The following ACTR3C variants were observed in gnomAD, a reference collection of about 807,000 sequenced individuals.
ACTR3C encodes actin related protein 3C, also known as actin-related protein 3C.
In ACTR3C, 18 loss-of-function variants were observed where a neutral mutation model predicts 26.3. That is an observed-to-expected ratio of 0.68 (90% CI 0.47 to 1.01). The LOEUF is 1.01. Among genes scored for constraint, ACTR3C ranks in the 50% least tolerant of loss-of-function variants. ACTR3C has a pLI of 0.00. For missense variants in ACTR3C, 184 were observed against 250.7 expected (o/e 0.73, Z 1.80); for synonymous variants, 55 against 94.5 (o/e 0.58, Z 2.42).
chr7:149,991,101 G>A, the ACTR3C span, among the ~76,000 whole-genome samples: 1 of 152,186 alleles, frequency 6.6e-6, no homozygotes, highest in Non-Finnish European at 1.5e-5. Context: ...ACGGCAGAAG[G>A]CAAAGGAGAA....
the ACTR3C span, among the ~76,000 whole-genome samples, chr7:149,910,014 C>T: frequency 6.8e-6 from 1 of 147,368 alleles, no homozygotes; most frequent in Non-Finnish European, 1.5e-5. Context: ...TCTATCTTTA[C>T]AAAAACCTTG....
At chr7:149,922,692 T>G in the ACTR3C span, among the ~76,000 whole-genome samples, 3 of 150,450 alleles carry the variant, frequency 2.0e-5, no homozygotes, top group Admixed American at 2.0e-4. Flanking sequence ...TTTTAGGAGG[T>G]TCCAGGAAGT....
chr7:150,039,543 C>A, the ACTR3C span, among the ~76,000 whole-genome samples: 5,624 of 25,816 alleles, frequency 0.22, 166 homozygotes, highest in East Asian at 0.41. Flanking sequence ...TGGGGGTCCC[C>A]AGAGCCAGGG....
chr7:150,055,302 G>A, the ACTR3C span, among the ~76,000 whole-genome samples: 1 of 152,222 alleles, frequency 6.6e-6, no homozygotes, highest in African/African-American at 2.4e-5. Flanking sequence ...ACAAGTCTGA[G>A]AACCACTGCA....
At chr7:149,900,839 C>G in the ACTR3C span, among the ~76,000 whole-genome samples, 3 of 151,984 alleles carry the variant, frequency 2.0e-5, no homozygotes, top group Non-Finnish European at 2.9e-5. Flanking sequence ...TTGAGACCAG[C>G]CTGGCCAACA....
chr7:149,949,571 G>C, the ACTR3C span, among the ~76,000 whole-genome samples: 1 of 147,762 alleles, frequency 6.8e-6, no homozygotes, highest in Non-Finnish European at 1.5e-5. Context: ...ACAAAGAAAA[G>C]ATGGACGAGA....
At chr7:149,959,958 A>G in the ACTR3C span, among the ~76,000 whole-genome samples, 2 of 151,940 alleles carry the variant, frequency 1.3e-5, no homozygotes, top group African/African-American at 4.8e-5. Flanking sequence ...ATTGGACTAT[A>G]CTATAATTTT....
intron 6 of ACTR3C, among the ~76,000 whole-genome samples, chr7:150,267,648 T>C (rs1258454173): frequency 6.6e-6 from 1 of 152,222 alleles, no homozygotes; most frequent in African/African-American, 2.4e-5. Flanking sequence ...GTGCCTAATT[T>C]ATAAACTTTA....
the ACTR3C span, among the ~76,000 whole-genome samples, chr7:149,886,705 T>C: frequency 0.59 from 90,177 of 152,058 alleles, 27,248 homozygotes; most frequent in African/African-American, 0.68. Context: ...CCTGTAATCC[T>C]AGCATTTTGG....
At chr7:150,183,118 G>T in the ACTR3C span, among the ~76,000 whole-genome samples, 1 of 150,802 alleles carries the variant, frequency 6.6e-6, no homozygotes, top group Non-Finnish European at 1.5e-5. Flanking sequence ...TAAATGCCAC[G>T]TTAGATGTAC....
chr7:150,198,120 G>A, the ACTR3C span, among the ~76,000 whole-genome samples: 1 of 151,410 alleles, frequency 6.6e-6, no homozygotes. Flanking sequence ...TGCCGGGATT[G>A]CAGACGGAGT....
At chr7:149,950,054 G>A in the ACTR3C span, among the ~76,000 whole-genome samples, 2 of 148,858 alleles carry the variant, frequency 1.3e-5, no homozygotes, top group African/African-American at 2.6e-5. Context: ...GGCCCTGCCT[G>A]GCAGCCGCGT....
chr7:150,137,495 C>G, the ACTR3C span, among the ~76,000 whole-genome samples: 5 of 152,218 alleles, frequency 3.3e-5, no homozygotes, highest in African/African-American at 1.2e-4. Context: ...TCTGTTCTTT[C>G]TTTTCACCTC....
At chr7:150,055,491 GTT>G in the ACTR3C span, among the ~76,000 whole-genome samples, 123 of 141,804 alleles carry the variant, frequency 8.7e-4, no homozygotes, top group East Asian at 4.4e-3. Context: ...GAGGGAGGGA[GTT>G]TTTTTTTTTT....
intron 6 of ACTR3C, among the ~76,000 whole-genome samples, chr7:150,275,160 T>C (rs1315442572): frequency 6.6e-6 from 1 of 152,190 alleles, no homozygotes; most frequent in African/African-American, 2.4e-5. Flanking sequence ...CATGTCCTGG[T>C]AATGCAATAA....
At chr7:150,125,818 C>T in the ACTR3C span, among the ~76,000 whole-genome samples, 1 of 152,134 alleles carries the variant, frequency 6.6e-6, no homozygotes, top group East Asian at 1.9e-4. Flanking sequence ...GGATTCGAAC[C>T]CTTAGCCAAA....
chr7:149,914,053 G>GT, the ACTR3C span, among the ~76,000 whole-genome samples: 1,560 of 151,086 alleles, frequency 0.01, 11 homozygotes, highest in Middle Eastern at 0.034. Context: ...ACCCGGCTAA[G>GT]TTTTTTTTTA....
chr7:150,118,186 A>G, the ACTR3C span, among the ~76,000 whole-genome samples: 1 of 152,162 alleles, frequency 6.6e-6, no homozygotes. Context: ...TCTCCTCCAA[A>G]GGATCACAAC....
chr7:149,999,964 C>T, the ACTR3C span, among the ~76,000 whole-genome samples: 1 of 150,376 alleles, frequency 6.6e-6, no homozygotes. Context: ...AATAATGAAA[C>T]ATCTGGAATA....
Sources: allele counts gnomAD v4.1 joint callset (sites outside exome capture counted in the v4.1 genomes callset), GRCh38; gene constraint gnomAD v4.1.1; transcripts MANE v1.5; gene names NCBI Gene and HGNC (gene_info 2026-07-23, HGNC 2026-07-21).